The following LRP1B variants were observed in gnomAD, a reference collection of about 807,000 sequenced individuals.
LRP1B encodes the protein low-density lipoprotein receptor-related protein 1B.
In LRP1B, 217 loss-of-function variants were observed where a neutral mutation model predicts 556.6. The ratio of observed to expected loss-of-function variants is 0.39; its 90% CI spans 0.35 to 0.44. The LOEUF (loss-of-function observed/expected upper bound fraction) is 0.44, where lower values mean the gene tolerates loss of function less well. LRP1B is among the 20% of genes least tolerant of loss of function. LRP1B has a pLI of 1.00. For synonymous variants in LRP1B, 2,047 were observed against 1,865.8 expected (o/e 1.10, Z -2.50); for missense variants, 5,053 against 5,620.8 (o/e 0.90, Z 3.23).
intron 43 of LRP1B, among the ~76,000 whole-genome samples, chr2:140,553,092 A>T (rs1680604427): frequency 6.6e-6 from 1 of 152,106 alleles, no homozygotes; most frequent in Non-Finnish European, 1.5e-5. Flanking sequence ...GAGGCTTCCC[A>T]AACTCCCCAA....
chr2:141,958,254 A>T (rs1701314620), intron 1 of LRP1B, among the ~76,000 whole-genome samples: 1 of 152,018 alleles, frequency 6.6e-6, no homozygotes. Context: ...CTGGTGCATT[A>T]GAAGAGGCAG....
At chr2:141,284,401 A>G (rs1048771494) in intron 3 of LRP1B, among the ~76,000 whole-genome samples, 1 of 152,216 alleles carries the variant, frequency 6.6e-6, no homozygotes, top group African/African-American at 2.4e-5. Context: ...TGAAAGAAAG[A>G]TTGGAAATAC....
chr2:141,500,926 A>G (rs1452145153), intron 2 of LRP1B, among the ~76,000 whole-genome samples: 1 of 152,088 alleles, frequency 6.6e-6, no homozygotes, highest in Non-Finnish European at 1.5e-5. Flanking sequence ...TATTTTCTTC[A>G]TGTATCCTTT....
At chr2:140,258,646 A>G (rs1379962801) in intron 86 of LRP1B, among the ~76,000 whole-genome samples, 6 of 152,134 alleles carry the variant, frequency 3.9e-5, no homozygotes, top group Admixed American at 3.9e-4. Flanking sequence ...GTTGAAGACA[A>G]TATTCTGTGT....
intron 1 of LRP1B, among the ~76,000 whole-genome samples, chr2:141,995,566 G>A (rs1702467888): frequency 6.6e-6 from 1 of 152,024 alleles, no homozygotes; most frequent in Admixed American, 6.6e-5. Context: ...ATACTCACAG[G>A]CTCTAGTGAT....
intron 2 of LRP1B, among the ~76,000 whole-genome samples, chr2:141,714,039 T>C (rs1195082352): frequency 6.6e-6 from 1 of 152,206 alleles, no homozygotes; most frequent in Non-Finnish European, 1.5e-5. Flanking sequence ...TTCCAGTCAT[T>C]ACTTTATGTT....
At chr2:141,795,471 CA>C (rs1386133805) in intron 2 of LRP1B, among the ~76,000 whole-genome samples, 1 of 152,006 alleles carries the variant, frequency 6.6e-6, no homozygotes, top group Non-Finnish European at 1.5e-5. Context: ...TACACATCTA[CA>C]TTAATTTTAA....
At position 141,050,247 on chromosome 2, in the gene LRP1B, G is replaced by A. The variant is rs527715842; in HGVS notation, c.1553-1025C>T. Among the ~76,000 whole-genome samples, 12 of 151,534 alleles carry A rather than the reference G, an allele frequency of 7.9e-5. No individual in the cohort carries two copies. The East Asian group carries it at 1.4e-3, about 17-fold the overall frequency. ...TTATTTATAAACCTAACAATACAAA[G>A]TATATTAACATTTATATTTCTTTTC... On this transcript the variant is annotated intron_variant, in intron 10 of 90. Coordinates refer to ENST00000389484, the MANE Select transcript of LRP1B (RefSeq NM_018557.3).
At chr2:141,498,004 T>G (rs1379667234) in intron 2 of LRP1B, among the ~76,000 whole-genome samples, 4 of 152,018 alleles carry the variant, frequency 2.6e-5, no homozygotes, top group African/African-American at 7.2e-5. Context: ...ATCTAAATAT[T>G]GTGACTTTTC....
At chr2:140,614,045 A>C (rs190380851) in intron 41 of LRP1B, among the ~76,000 whole-genome samples, 10 of 152,188 alleles carry the variant, frequency 6.6e-5, no homozygotes, top group African/African-American at 2.4e-4. Context: ...GATTATTGAA[A>C]GCTAGTAGAC....
chr2:141,423,367 T>C (rs1051053580), intron 3 of LRP1B, among the ~76,000 whole-genome samples: 1 of 148,008 alleles, frequency 6.8e-6, no homozygotes, highest in Admixed American at 6.8e-5. Context: ...AGCAGTTAAC[T>C]GGCAACAATA....
intron 7 of LRP1B, among the ~76,000 whole-genome samples, chr2:141,121,813 A>G (rs1416179816): frequency 6.6e-6 from 1 of 152,156 alleles, no homozygotes; most frequent in Non-Finnish European, 1.5e-5. Flanking sequence ...ACAGCAAAAG[A>G]ACAAAGCTGG....
chr2:141,743,832 G>C (rs906107978), intron 2 of LRP1B, among the ~76,000 whole-genome samples: 8 of 151,930 alleles, frequency 5.3e-5, no homozygotes, highest in African/African-American at 1.9e-4. Context: ...TTTAGTTTCT[G>C]TGGTGTCAGT....
chr2:140,638,255 A>T (rs1385524874), intron 41 of LRP1B, among the ~76,000 whole-genome samples: 1 of 152,198 alleles, frequency 6.6e-6, no homozygotes, highest in East Asian at 1.9e-4. Flanking sequence ...TCAACAAAGC[A>T]CTGTTATATG....
intron 1 of LRP1B, among the ~76,000 whole-genome samples, chr2:141,899,732 G>T (rs1699560174): frequency 6.6e-6 from 1 of 152,048 alleles, no homozygotes; most frequent in Non-Finnish European, 1.5e-5. Flanking sequence ...TGAAACAGAA[G>T]GGAAGAGCTC....
chr2:141,498,919 G>A (rs116331283), intron 2 of LRP1B, among the ~76,000 whole-genome samples: 3,328 of 151,988 alleles, frequency 0.022, 40 homozygotes, highest in Non-Finnish European at 0.036. Context: ...GGCAAATAAC[G>A]ACACCCAATC....
At chr2:140,496,156 CAT>C (rs1688922348) in intron 55 of LRP1B, among the ~76,000 whole-genome samples, 1 of 152,098 alleles carries the variant, frequency 6.6e-6, no homozygotes, top group African/African-American at 2.4e-5. Context: ...AACATTGTCA[CAT>C]ATGTTATTTC....
chr2:141,956,499 T>C (rs531621186), intron 1 of LRP1B, among the ~76,000 whole-genome samples: 1 of 152,242 alleles, frequency 6.6e-6, no homozygotes, highest in South Asian at 2.1e-4. Flanking sequence ...TCAGTTATAG[T>C]CATTTAAAAT....
chr2:141,970,751 A>G (rs898090134), intron 1 of LRP1B, among the ~76,000 whole-genome samples: 1 of 151,572 alleles, frequency 6.6e-6, no homozygotes, highest in African/African-American at 2.4e-5. Context: ...ATTCTGAAAC[A>G]TAATTCAGAT....
Sources: allele counts gnomAD v4.1 joint callset (sites outside exome capture counted in the v4.1 genomes callset), GRCh38; gene constraint gnomAD v4.1.1; transcripts MANE v1.5; gene names NCBI Gene and HGNC (gene_info 2026-07-23, HGNC 2026-07-21).